Variants in APBB2 observed in about 807,000 individuals in gnomAD.
APBB2 encodes the protein amyloid beta precursor protein binding family B member 2, also known as Fe65-like 1.
A neutral mutation model predicts 82.5 loss-of-function variants in APBB2; 38 were observed. The ratio of observed to expected loss-of-function variants is 0.46; its 90% CI spans 0.36 to 0.60. The LOEUF is 0.60. Among genes scored for constraint, APBB2 ranks in the 20% least tolerant of loss-of-function variants. The probability of loss-of-function intolerance (pLI) is 0.00; values close to 1 mark genes in which losing one functional copy is unlikely to be tolerated. For synonymous variants in APBB2, 341 were observed against 368.2 expected, an observed-to-expected ratio of 0.93 and a Z score of 0.85; for missense variants, 772 against 972.3, an observed-to-expected ratio of 0.79 and a Z score of 2.74.
At chr4:41,023,294 T>C (rs1383892154) in intron 5 of APBB2, among the ~76,000 whole-genome samples, 2 of 152,224 alleles carry the variant, frequency 1.3e-5, no homozygotes, top group Non-Finnish European at 2.9e-5. Flanking sequence ...GATAAGAAGT[T>C]GCAGACTTCT....
chr4:40,926,509 G>A (rs187285475), intron 10 of APBB2, among the ~76,000 whole-genome samples: 327 of 151,924 alleles, frequency 2.2e-3, no homozygotes, highest in African/African-American at 7.4e-3. Context: ...GCGGTGGCGC[G>A]ATCTTGGTTC....
chr4:41,103,773 C>A (rs1746228862), intron 2 of APBB2, among the ~76,000 whole-genome samples: 1 of 152,126 alleles, frequency 6.6e-6, no homozygotes, highest in African/African-American at 2.4e-5. Context: ...GTGAATCCAG[C>A]CAATAGAATG....
Position 40,964,937 on chromosome 4 carries a change from A to G in APBB2, c.836-19864T>C, listed in dbSNP as rs189161826. ...AGATCGAGACCATCCTGGCTAACACAGTGAAACCCCGTCTCTACTAAAAAT... is the reference window on the plus strand; with the variant it reads ...AGATCGAGACCATCCTGGCTAACACGGTGAAACCCCGTCTCTACTAAAAAT... On this transcript the variant is annotated intron_variant, in intron 6 of 17. Coordinates refer to ENST00000508593, the MANE Select transcript of APBB2 (RefSeq NM_004307.2). Among the ~76,000 whole-genome samples the G allele has an allele frequency of 2.3e-3, 350 of 152,140 alleles. 1 individual carries two copies. The highest frequency in any genetic ancestry group is 7.5e-3 in the African/African-American group (311 of 41,540).
intron 7 of APBB2, among the ~76,000 whole-genome samples, chr4:40,937,111 G>A (rs116077039): frequency 6.6e-6 from 1 of 152,134 alleles, no homozygotes; most frequent in African/African-American, 2.4e-5. Context: ...TGTCATCACT[G>A]TTTACATGTG....
intron 2 of APBB2, among the ~76,000 whole-genome samples, chr4:41,129,734 G>A (rs367578315): frequency 5.9e-5 from 9 of 152,052 alleles, no homozygotes; most frequent in African/African-American, 1.7e-4. Context: ...ACTAGTCTAG[G>A]TGACAGGGAT....
At chr4:41,001,635 T>C (rs1355604130) in intron 6 of APBB2, among the ~76,000 whole-genome samples, 2 of 152,160 alleles carry the variant, frequency 1.3e-5, no homozygotes, top group African/African-American at 4.8e-5. Context: ...CCCAGCACTT[T>C]GGGAGGCCAA....
intron 3 of APBB2, among the ~76,000 whole-genome samples, chr4:41,072,126 C>T (rs1734113339): frequency 6.6e-6 from 1 of 152,170 alleles, no homozygotes; most frequent in Non-Finnish European, 1.5e-5. Flanking sequence ...AAGGGGAAAT[C>T]CAAGTTACAG....
At chr4:41,003,024 T>G (rs1199392390) in intron 6 of APBB2, among the ~76,000 whole-genome samples, 1 of 152,194 alleles carries the variant, frequency 6.6e-6, no homozygotes, top group Non-Finnish European at 1.5e-5. Flanking sequence ...TAAAGCCATT[T>G]CCATATGCCA....
At chr4:41,004,459 A>G (rs771434953) in intron 6 of APBB2, among the ~76,000 whole-genome samples, 2 of 152,190 alleles carry the variant, frequency 1.3e-5, no homozygotes. Flanking sequence ...AGGAAACTTT[A>G]TGTGAGCTAT....
At chr4:41,177,419 G>C (rs546638437) in intron 1 of APBB2, 20 of 152,268 alleles carry the variant, frequency 1.3e-4, no homozygotes, top group African/African-American at 4.6e-4. Flanking sequence ...ATTGTAAAAT[G>C]CAAACTGTAA....
At chr4:41,185,969 C>T (rs961931686) in intron 1 of APBB2, among the ~76,000 whole-genome samples, 3 of 152,218 alleles carry the variant, frequency 2.0e-5, no homozygotes, top group African/African-American at 7.2e-5. Context: ...CACCCCCACA[C>T]TAGAGCTACT....
At chr4:41,210,890 C>T (rs1580866573) in intron 1 of APBB2, among the ~76,000 whole-genome samples, 1 of 152,200 alleles carries the variant, frequency 6.6e-6, no homozygotes, top group East Asian at 1.9e-4. Context: ...AGACAGCTGA[C>T]ATTTATGCAT....
At chr4:41,092,749 T>C (rs1274579181) in intron 3 of APBB2, among the ~76,000 whole-genome samples, 1 of 152,076 alleles carries the variant, frequency 6.6e-6, no homozygotes, top group Non-Finnish European at 1.5e-5. Flanking sequence ...TGCTTGCTCT[T>C]ACAGCAATCT....
At chr4:41,123,156 C>A (rs996869508) in intron 2 of APBB2, among the ~76,000 whole-genome samples, 2 of 152,078 alleles carry the variant, frequency 1.3e-5, no homozygotes, top group Non-Finnish European at 2.9e-5. Context: ...TTCTTCCCCC[C>A]AGTGCTTACG....
intron 5 of APBB2, among the ~76,000 whole-genome samples, chr4:41,023,875 C>T (rs1712809017): frequency 6.6e-6 from 1 of 152,116 alleles, no homozygotes; most frequent in South Asian, 2.1e-4. Flanking sequence ...TTAGCCAAGG[C>T]AAGCCCAAGC....
chr4:41,023,819 A>C (rs1345830652), intron 5 of APBB2, among the ~76,000 whole-genome samples: 1 of 152,208 alleles, frequency 6.6e-6, no homozygotes, highest in Non-Finnish European at 1.5e-5. Context: ...CACAGAACTA[A>C]AGAAAATTAT....
intron 1 of APBB2, among the ~76,000 whole-genome samples, chr4:41,206,844 G>A (rs1778062476): frequency 6.6e-6 from 1 of 152,160 alleles, no homozygotes; most frequent in Non-Finnish European, 1.5e-5. Context: ...GCCCAGGACA[G>A]AAGTCTACCT....
At chr4:41,155,359 A>G (rs1192679026) in intron 1 of APBB2, among the ~76,000 whole-genome samples, 1 of 152,258 alleles carries the variant, frequency 6.6e-6, no homozygotes. Context: ...AAAATAACAC[A>G]GTGACCACAG....
intron 3 of APBB2, among the ~76,000 whole-genome samples, chr4:41,076,666 C>A: frequency 6.6e-6 from 1 of 152,174 alleles, no homozygotes; most frequent in East Asian, 1.9e-4. Flanking sequence ...TTGACAAAGC[C>A]TTGCTTTGTG....
Sources: allele counts gnomAD v4.1 joint callset (sites outside exome capture counted in the v4.1 genomes callset), GRCh38; gene constraint gnomAD v4.1.1; transcripts MANE v1.5; gene names NCBI Gene and HGNC (gene_info 2026-07-23, HGNC 2026-07-21).